The following ADAMTS7 variants were observed in gnomAD, a reference collection of about 807,000 sequenced individuals.
ADAMTS7 encodes the protein ADAM metallopeptidase with thrombospondin type 1 motif 7, also known as A disintegrin and metalloproteinase with thrombospondin motifs 7.
A neutral mutation model predicts 172.6 loss-of-function variants in ADAMTS7; 89 were observed. The observed-to-expected ratio is 0.52, with a 90% confidence interval of 0.43 to 0.61. ADAMTS7 has a LOEUF of 0.61. ADAMTS7 is among the 20% of genes least tolerant of loss of function. The pLI, the probability that ADAMTS7 is intolerant of heterozygous loss-of-function variation, is 0.00. For missense variants in ADAMTS7, 1,973 were observed against 2,355.6 expected (o/e 0.84, Z 3.36); for synonymous variants, 885 against 978.4 (o/e 0.90, Z 1.78).
At chr15:78,777,988 T>C (rs1030673381) in intron 8 of ADAMTS7, among the ~76,000 whole-genome samples, 2 of 151,980 alleles carry the variant, frequency 1.3e-5, no homozygotes, top group African/African-American at 4.8e-5. Flanking sequence ...CACATCACAG[T>C]TGACACAACA....
intron 1 of ADAMTS7, among the ~76,000 whole-genome samples, chr15:78,803,380 CA>C (rs888679055): frequency 4.0e-5 from 6 of 151,188 alleles, no homozygotes; most frequent in African/African-American, 1.5e-4. Flanking sequence ...CACAACAAAA[CA>C]AAAAATAATT....
At chr15:78,806,091 A>AAAACACACAC (rs1555433542) in intron 1 of ADAMTS7, among the ~76,000 whole-genome samples, 1 of 27,432 alleles carries the variant, frequency 3.6e-5, no homozygotes, top group Admixed American at 7.0e-4. Flanking sequence ...CCCCCCCAAA[A>AAAACACACAC]ACACACACAC....
intron 1 of ADAMTS7, among the ~76,000 whole-genome samples, chr15:78,801,288 C>T (rs562146085): frequency 2.0e-5 from 3 of 152,288 alleles, no homozygotes; most frequent in Admixed American, 2.0e-4. Context: ...GTGACCTCTC[C>T]AATCTCATGT....
intron 8 of ADAMTS7, among the ~76,000 whole-genome samples, chr15:78,778,276 G>C (rs936845896): frequency 6.6e-6 from 1 of 152,240 alleles, no homozygotes; most frequent in African/African-American, 2.4e-5. Flanking sequence ...GTGTGGTGAA[G>C]ACAAGGCTGC....
chr15:78,759,619 G>C (rs2055010096), intron 23 of ADAMTS7, 41 bp from the exon 24 acceptor site: 3 of 1,520,842 alleles, frequency 2.0e-6, no homozygotes, highest in Non-Finnish European at 2.6e-6. Context: ...CCAGTAGCTT[G>C]GGGTACCCAG....
At chr15:78,768,933 T>A (rs995352266) in intron 16 of ADAMTS7, among the ~76,000 whole-genome samples, 2 of 152,010 alleles carry the variant, frequency 1.3e-5, no homozygotes, top group African/African-American at 4.8e-5. Flanking sequence ...CTGGCTTGGG[T>A]GATGAGGCGG....
rs746386176 is a variant in ADAMTS7, at chr15:78,767,449, G to T, written c.2789C>A (p.Pro930His). ...EPPACEHLPR[P>H]PTETPCNRHV... ...GCGGTTGCAAGGGGTTTCAGTAGGG[G>T]GCCGGGGAAGGTGTTCACAGGCGGG... Residue 930 changes from proline to histidine, a missense_variant, in exon 18 of 24, where the codon CCC (proline) becomes CAC (histidine). Physicochemically the swap from Pro to His is moderately conservative, Grantham distance 77. This residue lies in a region of ADAMTS7 where 771 missense variants were observed against 952.6 expected (regional missense o/e 0.81). Transcript: ENST00000388820. 3.1e-6 allele frequency: 5 copies of T among 1,611,836 alleles called. No individual in the cohort carries two copies. The highest frequency in any genetic ancestry group is 3.4e-6 in the Non-Finnish European group (4 of 1,179,808).
chr15:78,763,584 A>AG, intron 22 of ADAMTS7, 115 bp downstream of exon 22: 1 of 1,336,020 alleles, frequency 7.5e-7, no homozygotes, highest in Non-Finnish European at 9.7e-7. Flanking sequence ...GTCCAGTGAC[A>AG]GGGCCACAAA....
In ADAMTS7 at chr15:78,791,123, A is replaced by C. The variant is rs370264934; in HGVS notation, c.903+17T>G. On this transcript the variant is annotated intron_variant, in intron 5 of 23. Transcript: ENST00000388820. ...CGAAGCCATTGCCGGGCAGCGTGGG[A>C]CCACATGACCACTCACCTCCTCATC... 2.0e-5 allele frequency: 32 copies of C among 1,610,446 alleles called. No individual in the cohort carries two copies. The highest frequency in any genetic ancestry group is 2.3e-5 in the Non-Finnish European group (27 of 1,178,032).
chr15:78,802,666 TCTC>T (rs1443701877), intron 1 of ADAMTS7, among the ~76,000 whole-genome samples: 10 of 152,254 alleles, frequency 6.6e-5, no homozygotes, highest in Non-Finnish European at 1.2e-4. Context: ...ACAAACCCCT[TCTC>T]CTCAGAACAA....
intron 1 of ADAMTS7, among the ~76,000 whole-genome samples, chr15:78,805,187 G>A (rs779304668): frequency 1.3e-5 from 2 of 152,240 alleles, no homozygotes; most frequent in Admixed American, 6.5e-5. Context: ...GATTTAAGGC[G>A]ACTTCTTGCT....
Position 78,770,980 on chromosome 15 carries a change from C to T in ADAMTS7, c.2518+182G>A, listed in dbSNP as rs146398186. On this transcript the variant is annotated intron_variant, in intron 16 of 23. Coordinates refer to ENST00000388820, the MANE Select transcript of ADAMTS7 (RefSeq NM_014272.5). ...GCACCCACCTGCCTCATCCATGTAC[C>T]CTCCCAGCGGGCCTGGGACACAGGG... 6.1e-6 allele frequency: 5 copies of T among 822,656 alleles called. No homozygotes were observed. The African/African-American group carries it at 7.1e-5, about 12-fold the overall frequency. The allele number at this position is 822,656 out of a possible 1,614,324, so 51.0% of individuals were successfully genotyped here.
chr15:78,763,895 C>A, intron 21 of ADAMTS7, 31 bp downstream of exon 21: 1 of 1,563,556 alleles, frequency 6.4e-7, no homozygotes, highest in South Asian at 1.2e-5. Flanking sequence ...TGAGGGCGTC[C>A]CCTCCCCCCA....
At position 78,759,486 on chromosome 15, in the gene ADAMTS7, G is replaced by A. The variant is rs368790406; in HGVS notation, c.4996C>T (p.Arg1666Cys). Reference protein sequence around the residue: ...QLPTIRTQCCRSCSPPSHGAP... With the variant: ...QLPTIRTQCCCSCSPPSHGAP... ...CCGTGGCTGGGCGGAGAGCACGAGC[G>A]GCAGCACTGGGTGCGGATGGTGGGC... The change falls in exon 24 of 24, where the codon CGC (arginine) becomes TGC (cysteine). Residue 1666 changes from arginine to cysteine, a missense_variant. Transcript: ENST00000388820. 1.7e-5 allele frequency: 27 copies of A among 1,597,016 alleles called. No individual in the cohort carries two copies. Among genetic ancestry groups the A allele is most frequent in the Non-Finnish European group, 2.1e-5 (25 of 1,177,400 alleles).
In ADAMTS7 at chr15:78,767,002, G is replaced by A. The variant is rs200628325; in HGVS notation, c.2909C>T (p.Thr970Ile). Reference sequence around the variant, plus strand: ...GTCACAGGGGACACCGGTGTCATTGGTGCAGAGGACATTTCGGCGCTGAGT... The same window carrying A: ...GTCACAGGGGACACCGGTGTCATTGATGCAGAGGACATTTCGGCGCTGAGT... ...EGTQRRNVLC[T>I]NDTGVPCDEA... is the part of the protein sequence containing the mutation. The change falls in exon 19 of 24, where the codon ACC (threonine) becomes ATC (isoleucine). Residue 970 changes from threonine (T) to isoleucine (I), a missense_variant. Transcript: ENST00000388820. The A allele has an allele frequency of 1.3e-4, 214 of 1,594,828 alleles. No individual in the cohort carries two copies. The highest frequency in any genetic ancestry group is 3.6e-4 in the East Asian group (16 of 44,770).
intron 23 of ADAMTS7, 45 bp from the exon 24 acceptor site, chr15:78,759,623 T>C (rs1395956397): frequency 1.3e-6 from 2 of 1,512,700 alleles, no homozygotes; most frequent in Admixed American, 2.0e-5. Context: ...TAGCTTGGGG[T>C]ACCCAGAACC....
Position 78,811,242 on chromosome 15 carries a change from G to A in ADAMTS7, c.-22C>T. The A allele has an allele frequency of 1.6e-6, 2 of 1,224,758 alleles. No homozygotes were observed. Among genetic ancestry groups the A allele is most frequent in the Admixed American group, 4.3e-5 (1 of 23,422 alleles). The allele number at this position is 1,224,758 out of a possible 1,614,324, so 75.9% of individuals were successfully genotyped here. A position where few individuals can be genotyped will look rare whatever the true frequency, so the allele number is the denominator to read the frequency against. ...GCATGGCAGGAACCGGGCGGCCGCCGGGTGACCCCGCGCGCACGCTCTCGT... is the reference window on the plus strand; with the variant it reads ...GCATGGCAGGAACCGGGCGGCCGCCAGGTGACCCCGCGCGCACGCTCTCGT... On this transcript the variant is annotated 5_prime_UTR_variant, in exon 1 of 24. Coordinates refer to ENST00000388820, the MANE Select transcript of ADAMTS7 (RefSeq NM_014272.5).
intron 20 of ADAMTS7, 113 bp from the exon 21 acceptor site, chr15:78,764,212 T>C (rs1182832303): frequency 4.4e-5 from 61 of 1,372,798 alleles, no homozygotes; most frequent in African/African-American, 2.5e-4. Context: ...CCCGGGGGAA[T>C]AGCTGAAGAA....
intron 1 of ADAMTS7, among the ~76,000 whole-genome samples, chr15:78,805,513 T>G (rs565281107): frequency 2.6e-5 from 4 of 152,274 alleles, no homozygotes; most frequent in South Asian, 4.2e-4. Flanking sequence ...CCACTCCATA[T>G]TCATTCCCAG....
Sources: gnomAD v4.1 joint callset for allele counts (sites outside exome capture counted in the v4.1 genomes callset) on GRCh38, gnomAD v4.1.1 for gene constraint, gnomAD v4.1.1 regional missense constraint, MANE v1.5 for transcripts, NCBI Gene and HGNC (gene_info 2026-07-23, HGNC 2026-07-21) for gene names.